PSMA6: variants seen among roughly 807,000 people sequenced by gnomAD.
PSMA6 encodes the protein proteasome subunit alpha type-6.
For missense variants in PSMA6, 170 were observed against 294.8 expected (o/e 0.58, Z 3.10); for synonymous variants, 88 against 97.7 (o/e 0.90, Z 0.59).
upstream of PSMA6, chr14:35,292,379 C>T (rs2051499361): frequency 1.9e-5 from 29 of 1,540,174 alleles, no homozygotes; most frequent in South Asian, 3.4e-4. Flanking sequence ...CGGCTGGTAC[C>T]CCGGAAGCAG....
chr14:35,292,214 C>T, upstream of PSMA6: 2 of 979,616 alleles, frequency 2.0e-6, no homozygotes, highest in Non-Finnish European at 2.7e-6. Flanking sequence ...CCAAGTTTCA[C>T]GTCTATCCAC....
chr14:35,293,737 G>A (rs2051531129), intron 1 of PSMA6, among the ~76,000 whole-genome samples: 1 of 152,176 alleles, frequency 6.6e-6, no homozygotes, highest in East Asian at 1.9e-4. Flanking sequence ...AGAGATAACT[G>A]TATCCTCAAA....
intron 1 of PSMA6, among the ~76,000 whole-genome samples, chr14:35,298,138 T>A (rs1269069677): frequency 6.6e-6 from 1 of 152,042 alleles, no homozygotes; most frequent in Non-Finnish European, 1.5e-5. Context: ...TATTTAAGAT[T>A]TAGAAAATTG....
At chr14:35,284,877 C>T (rs1040590369) in intron 1 of PSMA6, among the ~76,000 whole-genome samples, 1 of 152,186 alleles carries the variant, frequency 6.6e-6, no homozygotes, top group African/African-American at 2.4e-5. Context: ...ATAAAACTTG[C>T]TATGTACTTG....
chr14:35,298,375 A>T (rs2051640140), intron 1 of PSMA6, among the ~76,000 whole-genome samples: 1 of 152,070 alleles, frequency 6.6e-6, no homozygotes, highest in South Asian at 2.1e-4. Flanking sequence ...CTGTAGACCC[A>T]GCTACTAGGG....
At chr14:35,306,040 A>G (rs1422256804) in intron 1 of PSMA6, among the ~76,000 whole-genome samples, 1 of 152,170 alleles carries the variant, frequency 6.6e-6, no homozygotes, top group African/African-American at 2.4e-5. Context: ...AGCCTGGGCA[A>G]CATGGGAAGA....
intron 1 of PSMA6, among the ~76,000 whole-genome samples, chr14:35,307,683 C>T (rs1249183171): frequency 6.6e-6 from 1 of 151,886 alleles, no homozygotes; most frequent in East Asian, 1.9e-4. Flanking sequence ...GCAGTGAGCT[C>T]AGGTCGCACC....
At chr14:35,313,252 A>G (rs2051978788) in intron 5 of PSMA6, 193 bp downstream of exon 5, 1 of 522,086 alleles carries the variant, frequency 1.9e-6, no homozygotes, top group Admixed American at 4.3e-5. Flanking sequence ...CTTATTTCGT[A>G]ATGTATTTGA....
chr14:35,309,406 TTGGGAGGCCAAGG>T (rs1172495157), intron 3 of PSMA6, among the ~76,000 whole-genome samples: 7 of 152,170 alleles, frequency 4.6e-5, no homozygotes, highest in East Asian at 1.9e-4. Flanking sequence ...TCCCAGCACT[TTGGGAGGCCAAGG>T]TGAGAGGATT....
At chr14:35,284,268 G>T (rs1181502987) in intron 1 of PSMA6, among the ~76,000 whole-genome samples, 3 of 152,034 alleles carry the variant, frequency 2.0e-5, no homozygotes, top group African/African-American at 7.3e-5. Context: ...CCCATTCCAT[G>T]TTGCATTGTG....
chr14:35,305,975 C>T (rs743225), intron 1 of PSMA6, among the ~76,000 whole-genome samples: 28,724 of 151,940 alleles, frequency 0.19, 3,464 homozygotes, highest in East Asian at 0.32. Context: ...CCTGTAATCC[C>T]ATCACTTTGG....
intron 1 of PSMA6, among the ~76,000 whole-genome samples, chr14:35,304,081 T>C (rs1254582722): frequency 6.6e-6 from 1 of 152,140 alleles, no homozygotes; most frequent in Non-Finnish European, 1.5e-5. Flanking sequence ...CCAGCGATTT[T>C]CCTGCCTCAG....
At chr14:35,309,107 G>C in intron 3 of PSMA6, 112 bp downstream of exon 3, 1 of 779,146 alleles carries the variant, frequency 1.3e-6, no homozygotes, top group African/African-American at 1.8e-5. Context: ...TGATTTTCAA[G>C]TGCCATGAGT....
chr14:35,308,184 G>A, intron 2 of PSMA6, 96 bp downstream of exon 2: 2 of 1,483,946 alleles, frequency 1.3e-6, no homozygotes, highest in Admixed American at 3.9e-5. Context: ...CACTTTGGGA[G>A]GCTGAGGTGG....
intron 4 of PSMA6, among the ~76,000 whole-genome samples, chr14:35,311,240 T>C (rs1452703023): frequency 2.0e-5 from 3 of 152,248 alleles, no homozygotes; most frequent in Non-Finnish European, 4.4e-5. Flanking sequence ...GGCATCTTAA[T>C]AATGTAGCTG....
In PSMA6 at chr14:35,284,520, C is replaced by T. The variant is rs549043552; in HGVS notation, c.19+5802C>T. Among the ~76,000 whole-genome samples, 296 of 152,252 alleles carry T rather than the reference C, an allele frequency of 1.9e-3. 2 individuals carry two copies. Among genetic ancestry groups the T allele is most frequent in the African/African-American group, 6.7e-3 (279 of 41,546 alleles). On this transcript the variant is annotated intron_variant, in intron 1 of 6. Transcript: ENST00000540871. ...CATCTCCATGGAACTCTGGTGGGGACGCTGTCGGGTTCATCTGTGTGTCTC... is the reference window on the plus strand; with the variant it reads ...CATCTCCATGGAACTCTGGTGGGGATGCTGTCGGGTTCATCTGTGTGTCTC...
At chr14:35,293,012 G>C in intron 1 of PSMA6, 1 of 457,828 alleles carries the variant, frequency 2.2e-6, no homozygotes. Flanking sequence ...ACCAGACACT[G>C]CTAGTCCTAG....
Position 35,313,009 on chromosome 14 carries a change from GA to G in PSMA6, c.546del (p.Val183Ter). ...VKQTESTSFL[E>X]KKVKKKFDWT... Reference sequence around the variant, plus strand: ...ACAAACTGAGTCAACCAGCTTCCTTGAAAAAAAAGTGAAGAAGAAATTTGAT... The same window carrying G: ...ACAAACTGAGTCAACCAGCTTCCTTGAAAAAAAGTGAAGAAGAAATTTGAT... On this transcript the variant is annotated frameshift_variant, in exon 5 of 7. Transcript: ENST00000261479. LOFTEE classifies it high-confidence loss of function. The G allele has an allele frequency of 1.0e-5, 16 of 1,576,704 alleles. No individual in the cohort carries two copies. The highest frequency in any genetic ancestry group is 6.9e-5 in the East Asian group (3 of 43,388).
chr14:35,311,701 GTTTAT>G lies in PSMA6; in HGVS notation c.409+811_409+815del, dbSNP rs905829462. On this transcript the variant is annotated intron_variant, in intron 4 of 6. Coordinates refer to ENST00000261479, the MANE Select transcript of PSMA6 (RefSeq NM_002791.3). The stretch of plus-strand genomic sequence containing the variant: ...GAGTAGAAAGAAATTTAATGATGGT[GTTTAT>G]TTTAATTGTATTCCTATAATATGGT... Among the ~76,000 whole-genome samples the G allele has an allele frequency of 5.3e-5, 8 of 152,240 alleles. No homozygotes were observed. In the South Asian group the frequency reaches 1.2e-3, roughly 24 times the overall value.
Sources: allele counts gnomAD v4.1 joint callset (sites outside exome capture counted in the v4.1 genomes callset), GRCh38; gene constraint gnomAD v4.1.1; transcripts MANE v1.5; gene names NCBI Gene and HGNC (gene_info 2026-07-23, HGNC 2026-07-21).